Variants in C8orf34 observed in about 807,000 individuals in gnomAD.
The protein encoded by C8orf34 is uncharacterized protein C8orf34.
Under a neutral mutation model 68.3 loss-of-function variants are expected in C8orf34, and 65 were observed. The ratio of observed to expected loss-of-function variants is 0.95; its 90% CI spans 0.78 to 1.17. The LOEUF is 1.17. Ranked by LOEUF, C8orf34 falls within the 50% of genes most tolerant of loss-of-function variation. The pLI, the probability that C8orf34 is intolerant of heterozygous loss-of-function variation, is 0.00. For synonymous variants in C8orf34, 244 were observed against 241.2 expected (o/e 1.01, Z -0.11); for missense variants, 664 against 655.4 (o/e 1.01, Z -0.14).
chr8:68,687,195 G>A (rs1296646554), intron 8 of C8orf34, among the ~76,000 whole-genome samples: 4 of 151,906 alleles, frequency 2.6e-5, no homozygotes, highest in Non-Finnish European at 5.9e-5. Flanking sequence ...ATGTCCCAAA[G>A]TAATCTACAG....
At chr8:68,744,735 GA>G (rs1277613002) in intron 10 of C8orf34, among the ~76,000 whole-genome samples, 1 of 152,160 alleles carries the variant, frequency 6.6e-6, no homozygotes, top group Non-Finnish European at 1.5e-5. Flanking sequence ...GGGACTATGT[GA>G]AAAGACCAAA....
At chr8:68,530,995 A>G (rs1815220364) in intron 6 of C8orf34, among the ~76,000 whole-genome samples, 3 of 152,132 alleles carry the variant, frequency 2.0e-5, no homozygotes, top group Admixed American at 2.0e-4. Flanking sequence ...CTCCACCTGT[A>G]TTCACCAATG....
chr8:68,500,586 G>T (rs1362030303), intron 5 of C8orf34, among the ~76,000 whole-genome samples: 1 of 152,008 alleles, frequency 6.6e-6, no homozygotes. Flanking sequence ...CTTTCCAGTG[G>T]TTCTGAGGAA....
At chr8:68,675,132 C>A (rs750063872) in intron 8 of C8orf34, among the ~76,000 whole-genome samples, 1 of 152,104 alleles carries the variant, frequency 6.6e-6, no homozygotes, top group Admixed American at 6.6e-5. Context: ...CAACACCAGA[C>A]CTGTTCCACA....
At chr8:68,375,427 A>T (rs933178788) in intron 1 of C8orf34, among the ~76,000 whole-genome samples, 2 of 152,362 alleles carry the variant, frequency 1.3e-5, no homozygotes, top group South Asian at 4.1e-4. Flanking sequence ...ATAATCCCTA[A>T]CAAATAGTCA....
At chr8:68,463,979 T>A (rs976241223) in intron 3 of C8orf34, among the ~76,000 whole-genome samples, 3 of 152,130 alleles carry the variant, frequency 2.0e-5, no homozygotes, top group Non-Finnish European at 4.4e-5. Flanking sequence ...GGGTATTCAA[T>A]TAGGAAAAGA....
intron 10 of C8orf34, among the ~76,000 whole-genome samples, chr8:68,755,918 T>A (rs1822842403): frequency 6.7e-6 from 1 of 149,152 alleles, no homozygotes; most frequent in Non-Finnish European, 1.5e-5. Context: ...AAAAAAAAAA[T>A]TAGCCGGGCG....
At chr8:68,734,104 A>G (rs1822059632) in intron 10 of C8orf34, among the ~76,000 whole-genome samples, 1 of 152,192 alleles carries the variant, frequency 6.6e-6, no homozygotes, top group Non-Finnish European at 1.5e-5. Flanking sequence ...TGGAAAGATC[A>G]CCTAATCGAA....
chr8:68,523,802 A>G (rs1200917025), intron 6 of C8orf34, among the ~76,000 whole-genome samples: 2 of 152,188 alleles, frequency 1.3e-5, no homozygotes, highest in South Asian at 2.1e-4. Flanking sequence ...GTCCGTAACT[A>G]TAGTATTAGC....
intron 8 of C8orf34, among the ~76,000 whole-genome samples, chr8:68,662,290 T>C (rs1563593485): frequency 6.6e-6 from 1 of 152,186 alleles, no homozygotes; most frequent in Non-Finnish European, 1.5e-5. Context: ...CAACCTTTAG[T>C]CTCCTCTGCT....
intron 1 of C8orf34, among the ~76,000 whole-genome samples, chr8:68,379,009 A>G (rs1807922470): frequency 6.6e-6 from 1 of 152,236 alleles, no homozygotes; most frequent in African/African-American, 2.4e-5. Flanking sequence ...AAACATTTAT[A>G]TGAATTATTT....
At chr8:68,615,449 T>A (rs1365761162) in intron 7 of C8orf34, among the ~76,000 whole-genome samples, 1 of 152,156 alleles carries the variant, frequency 6.6e-6, no homozygotes, top group African/African-American at 2.4e-5. Flanking sequence ...TTCTTGTTAT[T>A]TTGAGATACG....
chr8:68,390,913 C>G (rs1196591860), intron 1 of C8orf34, among the ~76,000 whole-genome samples: 1 of 152,124 alleles, frequency 6.6e-6, no homozygotes, highest in Non-Finnish European at 1.5e-5. Context: ...CTTTCTTCTT[C>G]TTCAGGAAAG....
intron 4 of C8orf34, among the ~76,000 whole-genome samples, chr8:68,482,599 T>A (rs993043924): frequency 2.0e-5 from 3 of 152,276 alleles, no homozygotes; most frequent in South Asian, 2.1e-4. Flanking sequence ...GTTGACTAAT[T>A]GTCAGAGGTT....
At chr8:68,599,921 A>G (rs1817650331) in intron 7 of C8orf34, among the ~76,000 whole-genome samples, 1 of 152,012 alleles carries the variant, frequency 6.6e-6, no homozygotes, top group Non-Finnish European at 1.5e-5. Context: ...TGTCAAAAGA[A>G]TTTCTAGAAA....
At position 68,617,613 on chromosome 8, in the gene C8orf34, C is replaced by T. The variant is rs183309270; in HGVS notation, c.1106-22763C>T. On this transcript the variant is annotated intron_variant, in intron 7 of 13. Coordinates refer to ENST00000518698, the MANE Select transcript of C8orf34 (RefSeq NM_052958.4). Reference sequence around the variant, plus strand: ...TCTTTAAGAATGTTGAATATTGGCCCTCACTCTGTTCTGGCTTGTAGAGTT... The same window carrying T: ...TCTTTAAGAATGTTGAATATTGGCCTTCACTCTGTTCTGGCTTGTAGAGTT... Among the ~76,000 whole-genome samples the T allele has an allele frequency of 1.8e-3, 275 of 152,286 alleles. 2 individuals are homozygous for T. The highest frequency in any genetic ancestry group is 5.9e-4 in the Non-Finnish European group (40 of 68,032).
intron 1 of C8orf34, among the ~76,000 whole-genome samples, chr8:68,419,066 T>A (rs1809817149): frequency 6.6e-6 from 1 of 151,394 alleles, no homozygotes; most frequent in Non-Finnish European, 1.5e-5. Context: ...GGGAGAAAAT[T>A]TTCGCAACCT....
rs1811618985 is a variant in C8orf34 at position 68,457,846 on chromosome 8, C to G, written c.608-10846C>G. 3.3e-5 allele frequency among the ~76,000 whole-genome samples: 5 copies of G among 152,194 alleles called. No homozygotes were observed. In the South Asian group the frequency reaches 1.0e-3, roughly 32 times the overall value. On this transcript the variant is annotated intron_variant, in intron 3 of 13. Transcript: ENST00000518698. ...TAGTTGACACTGTTCTTCTATTTTT[C>G]ATTTTCCCTGTGGATATTTTTTAAA...
chr8:68,548,786 G>A (rs546822138), intron 7 of C8orf34, among the ~76,000 whole-genome samples: 8 of 151,802 alleles, frequency 5.3e-5, no homozygotes, highest in African/African-American at 1.9e-4. Context: ...ATCATCAGGA[G>A]AATATGTAAA....
Sources: gnomAD v4.1 joint callset for allele counts (sites outside exome capture counted in the v4.1 genomes callset) on GRCh38, gnomAD v4.1.1 for gene constraint, MANE v1.5 for transcripts, NCBI Gene and HGNC (gene_info 2026-07-23, HGNC 2026-07-21) for gene names.